The following KCTD1 variants were observed in gnomAD, a reference collection of about 807,000 sequenced individuals.
KCTD1 encodes the protein BTB/POZ domain-containing protein KCTD1.
In KCTD1, 24 loss-of-function variants were observed where a neutral mutation model predicts 66.0. That is an observed-to-expected ratio of 0.36 (90% CI 0.26 to 0.51). KCTD1 has a LOEUF of 0.51. Ranked by LOEUF, KCTD1 falls within the 20% of genes least tolerant of loss-of-function variation. KCTD1 has a pLI of 0.95. For synonymous variants in KCTD1, 511 were observed against 517.2 expected (o/e 0.99, Z 0.16); for missense variants, 943 against 1,205.2 (o/e 0.78, Z 3.22).
chr18:26,615,924 G>A (rs1987240201), intron 1 of KCTD1, among the ~76,000 whole-genome samples: 1 of 152,076 alleles, frequency 6.6e-6, no homozygotes. Flanking sequence ...CCAAGTAGCT[G>A]GGATTACAGG....
intron 2 of KCTD1, among the ~76,000 whole-genome samples, chr18:26,487,842 C>G (rs1158474388): frequency 1.3e-5 from 2 of 152,160 alleles, no homozygotes; most frequent in African/African-American, 4.8e-5. Context: ...AGAACAGAAC[C>G]AAGCCCTAAC....
At chr18:26,570,278 A>G (rs149071158) in intron 1 of KCTD1, among the ~76,000 whole-genome samples, 1,769 of 151,506 alleles carry the variant, frequency 0.012, 21 homozygotes, top group Non-Finnish European at 0.017. Flanking sequence ...GAAACAAGGA[A>G]ATTTGGAAAA....
At chr18:26,471,946 C>T (rs554488231) in intron 3 of KCTD1, among the ~76,000 whole-genome samples, 36 of 152,160 alleles carry the variant, frequency 2.4e-4, no homozygotes, top group Admixed American at 1.3e-3. Flanking sequence ...TGGATTGATT[C>T]GCGATGCGTC....
At chr18:26,556,139 G>A (rs1289393055) in intron 1 of KCTD1, among the ~76,000 whole-genome samples, 1 of 152,174 alleles carries the variant, frequency 6.6e-6, no homozygotes, top group African/African-American at 2.4e-5. Flanking sequence ...GGGGCACATG[G>A]GTTTATCTGA....
At chr18:26,509,851 C>T (rs1039139997) in intron 1 of KCTD1, among the ~76,000 whole-genome samples, 7 of 152,192 alleles carry the variant, frequency 4.6e-5, no homozygotes, top group African/African-American at 1.2e-4. Flanking sequence ...CCGCCCGCCC[C>T]GTGCGATCTC....
Position 26,547,326 on chromosome 18 carries a change from G to A in KCTD1, c.1211C>T (p.Ala404Val), listed in dbSNP as rs1291635048. 6.4e-7 allele frequency: 1 copy of A among 1,551,638 alleles called. No individual in the cohort carries two copies. The change falls in exon 1 of 5, where the codon GCG becomes GTG. Residue 404 changes from alanine to valine, a missense_variant. By Grantham distance (64) the Ala-to-Val change is moderately conservative. Coordinates refer to ENST00000580059, the MANE Select transcript of KCTD1 (RefSeq NM_001142730.3). The stretch of plus-strand genomic sequence containing the variant: ...GTGGTCCCGGGGCCGCTGGAAGAAC[G>A]CCTTGCAGAGAGGGTTGCGTTTCGA... ...YLSKRNPLCK[A>V]FFQRPRDHCS...
intron 1 of KCTD1, among the ~76,000 whole-genome samples, chr18:26,646,230 T>A (rs1249983610): frequency 6.6e-6 from 1 of 152,210 alleles, no homozygotes; most frequent in African/African-American, 2.4e-5. Flanking sequence ...TTAGCATGGA[T>A]CAAGAGCTGA....
chr18:26,612,506 T>C (rs774726373), intron 1 of KCTD1, among the ~76,000 whole-genome samples: 1 of 152,184 alleles, frequency 6.6e-6, no homozygotes, highest in Non-Finnish European at 1.5e-5. Flanking sequence ...CAGAGACGTG[T>C]ACAGATGGGA....
At chr18:26,641,264 C>A (rs113779437), upstream of KCTD1, among the ~76,000 whole-genome samples, 25 of 152,322 alleles carry the variant, frequency 1.6e-4, no homozygotes, top group African/African-American at 5.8e-4. Flanking sequence ...GGGGCAGAGC[C>A]TTTGCCTCCC....
At chr18:26,599,935 A>G in intron 1 of KCTD1, 1 of 1,590,740 alleles carries the variant, frequency 6.3e-7, no homozygotes, top group African/African-American at 1.3e-5. Flanking sequence ...TAAGTTTTCC[A>G]TCACCAAGAA....
At chr18:26,577,508 T>C (rs1598949414) in intron 1 of KCTD1, among the ~76,000 whole-genome samples, 1 of 152,106 alleles carries the variant, frequency 6.6e-6, no homozygotes, top group East Asian at 1.9e-4. Context: ...TTCAATGTGA[T>C]TATTTCTTTC....
rs1292257446 is a variant in KCTD1 at position 26,546,975 on chromosome 18, T to G, written c.1562A>C (p.Gln521Pro). ...GNTYILPKDS[Q>P]VGPDVKSEAA... ...CTCGGATTTCACGTCGGGCCCGACC[T>G]GGCTGTCTTTGGGGAGGATGTAAGT... Residue 521 changes from glutamine (Q) to proline (P), a missense_variant, in exon 1 of 5, where the codon CAG (glutamine) becomes CCG (proline). Coordinates refer to ENST00000580059, the MANE Select transcript of KCTD1 (RefSeq NM_001142730.3). 19 of 1,378,600 alleles carry G rather than the reference T, an allele frequency of 1.4e-5. No individual in the cohort carries two copies. The highest frequency in any genetic ancestry group is 1.8e-5 in the Non-Finnish European group (19 of 1,049,374). The allele number at this position is 1,378,600 out of a possible 1,614,324, so 85.4% of individuals were successfully genotyped here. A position where few individuals can be genotyped will look rare whatever the true frequency, so the allele number is the denominator to read the frequency against.
chr18:26,466,079 G>C (rs9949499), intron 3 of KCTD1, among the ~76,000 whole-genome samples: 1 of 25,472 alleles, frequency 3.9e-5, no homozygotes, highest in Non-Finnish European at 9.2e-5. Context: ...CCGCAGGTAC[G>C]GGTGAAGAAA....
In KCTD1 at chr18:26,593,704, G is replaced by C. The variant is rs998914589; in HGVS notation, c.-16+35443C>G. On this transcript the variant is annotated intron_variant, in intron 1 of 4. Transcript: ENST00000317932. ...GGAGGAGGAGGAAGAAGATAAGCAG[G>C]AGGAGGAAGATAAGGAGGAGGAGAA... Among the ~76,000 whole-genome samples the C allele has an allele frequency of 4.9e-5, 7 of 143,278 alleles. No homozygotes were observed. The East Asian group carries it at 1.5e-3, about 31-fold the overall frequency. 94.0% of individuals were successfully genotyped at this position (143,278 alleles called of 152,430 possible).
intron 1 of KCTD1, among the ~76,000 whole-genome samples, chr18:26,636,206 G>T (rs567853235): frequency 6.6e-6 from 1 of 152,162 alleles, no homozygotes; most frequent in Non-Finnish European, 1.5e-5. Context: ...AGTCAGAAGA[G>T]GGGGGAGTTT....
chr18:26,591,404 AG>A, intron 1 of KCTD1: 1 of 152,266 alleles, frequency 6.6e-6, no homozygotes, highest in Middle Eastern at 3.4e-3. Context: ...CCTTTCAGGA[AG>A]GGTTACTGAG....
At chr18:26,480,830 AT>A (rs1293183270) in intron 2 of KCTD1, among the ~76,000 whole-genome samples, 3 of 152,066 alleles carry the variant, frequency 2.0e-5, no homozygotes, top group Admixed American at 2.0e-4. Context: ...GCAAGACCTA[AT>A]CTCTGAGGAA....
At chr18:26,607,839 T>C (rs547252321) in intron 1 of KCTD1, among the ~76,000 whole-genome samples, 1 of 152,248 alleles carries the variant, frequency 6.6e-6, no homozygotes, top group South Asian at 2.1e-4. Context: ...GTGATCTTGG[T>C]TCACTGCAGC....
rs1322496086 is a variant in KCTD1, at chr18:26,535,971, C to CCAAAAA, written c.1809+10756_1809+10757insTTTTTG. Among the ~76,000 whole-genome samples the CCAAAAA allele has an allele frequency of 5.5e-3, 679 of 122,784 alleles. 9 individuals are homozygous for CCAAAAA. The highest frequency in any genetic ancestry group is 0.02 in the African/African-American group (648 of 32,598). The allele number at this position is 122,784 out of a possible 152,430, so 80.6% of individuals were successfully genotyped here. A position where few individuals can be genotyped will look rare whatever the true frequency, so the allele number is the denominator to read the frequency against. ...CCCCCACAAGACTGAGTGATTCCTCCAAAAAAAAAAAAAAAAGAAGATTTT... is the reference window on the plus strand; with the variant it reads ...CCCCCACAAGACTGAGTGATTCCTCCCAAAAAAAAAAAAAAAAAAAAAGAAGATTTT... On this transcript the variant is annotated intron_variant, in intron 1 of 4. Transcript: ENST00000580059.
Sources: gnomAD v4.1 joint callset for allele counts (sites outside exome capture counted in the v4.1 genomes callset) on GRCh38, gnomAD v4.1.1 for gene constraint, MANE v1.5 for transcripts, NCBI Gene and HGNC (gene_info 2026-07-23, HGNC 2026-07-21) for gene names.